Variants in GPAT4 observed in about 807,000 individuals in gnomAD.
GPAT4 encodes 1-AGP acyltransferase 6.
Under a neutral mutation model 58.0 loss-of-function variants are expected in GPAT4, and 17 were observed. The ratio of observed to expected loss-of-function variants is 0.29; its 90% confidence interval spans 0.20 to 0.44. The LOEUF (loss-of-function observed/expected upper bound fraction) is 0.44. Ranked by LOEUF, GPAT4 falls within the 20% of genes least tolerant of loss-of-function variation. The pLI, the probability that GPAT4 is intolerant of heterozygous loss-of-function variation, is 1.00. For synonymous variants in GPAT4, 204 were observed against 210.1 expected (o/e 0.97, Z 0.25); for missense variants, 377 against 574.5 (o/e 0.66, Z 3.51).
intron 2 of GPAT4, among the ~76,000 whole-genome samples, 158 bp downstream of exon 2, chr8:41,599,462 A>G (rs111370923): frequency 2.6e-5 from 4 of 152,336 alleles, no homozygotes; most frequent in Admixed American, 6.5e-5. Flanking sequence ...CTAAACGTCT[A>G]CTTTTGAAAG....
At chr8:41,580,606 G>T (rs1324196743) in intron 1 of GPAT4, among the ~76,000 whole-genome samples, 1 of 152,206 alleles carries the variant, frequency 6.6e-6, no homozygotes, top group Non-Finnish European at 1.5e-5. Context: ...AAGTCCTCAT[G>T]TTAGGGGTCT....
At chr8:41,582,005 T>A (rs867519277) in intron 1 of GPAT4, among the ~76,000 whole-genome samples, 1,191 of 100,722 alleles carry the variant, frequency 0.012, 34 homozygotes, top group African/African-American at 0.044. Flanking sequence ...TTTTTTTTTT[T>A]TTTTTTTTTT....
At chr8:41,589,941 T>C (rs1790942470) in intron 1 of GPAT4, among the ~76,000 whole-genome samples, 1 of 152,194 alleles carries the variant, frequency 6.6e-6, no homozygotes, top group South Asian at 2.1e-4. Context: ...AGAACTTCGG[T>C]AACTCAGGTT....
At chr8:41,620,729 C>G (rs759694828) in intron 12 of GPAT4, among the ~76,000 whole-genome samples, 164 bp from the exon 13 acceptor site, 4 of 151,996 alleles carry the variant, frequency 2.6e-5, no homozygotes, top group African/African-American at 7.3e-5. Context: ...TATTGGGATC[C>G]CGGAGCCCCA....
intron 10 of GPAT4, among the ~76,000 whole-genome samples, chr8:41,616,860 G>A (rs950368249): frequency 6.6e-6 from 1 of 152,154 alleles, no homozygotes; most frequent in African/African-American, 2.4e-5. Context: ...AATCAAACTT[G>A]GATAACCTTA....
intron 5 of GPAT4, 70 bp downstream of exon 5, chr8:41,610,880 C>T: frequency 6.8e-7 from 1 of 1,460,846 alleles, no homozygotes; most frequent in Non-Finnish European, 9.3e-7. Flanking sequence ...ATATCGAAGG[C>T]AAGGACACTT....
chr8:41,621,245 T>G lies in GPAT4; in HGVS notation c.*244T>G. ...GACCCAGGACGAGATGCCTTGTTTCTTTTACAATAAGTCGTTGGAGGAATG... is the reference window on the plus strand; with the variant it reads ...GACCCAGGACGAGATGCCTTGTTTCGTTTACAATAAGTCGTTGGAGGAATG... On this transcript the variant is annotated 3_prime_UTR_variant, in exon 13 of 13. Coordinates refer to ENST00000396987, the MANE Select transcript of GPAT4 (RefSeq NM_178819.4). 1.8e-6 allele frequency: 1 copy of G among 550,256 alleles called. No homozygotes were observed. Among genetic ancestry groups the G allele is most frequent in the Non-Finnish European group, 3.2e-6 (1 of 308,820 alleles). The allele number at this position is 550,256 out of a possible 1,614,324, so 34.1% of individuals were successfully genotyped here. A position where few individuals can be genotyped will look rare whatever the true frequency, so the allele number is the denominator to read the frequency against.
At chr8:41,579,500 A>G (rs1242303975) in intron 1 of GPAT4, among the ~76,000 whole-genome samples, 2 of 152,254 alleles carry the variant, frequency 1.3e-5, no homozygotes, top group African/African-American at 4.8e-5. Flanking sequence ...AGAGTTGAAG[A>G]AAGAGCACAG....
intron 10 of GPAT4, 84 bp downstream of exon 10, chr8:41,615,132 G>A: frequency 2.4e-6 from 3 of 1,256,080 alleles, no homozygotes; most frequent in Non-Finnish European, 3.4e-6. Context: ...GGAAGGAGCT[G>A]GGGTCACCAG....
chr8:41,579,051 A>C (rs1180612447), intron 1 of GPAT4, among the ~76,000 whole-genome samples: 1 of 152,278 alleles, frequency 6.6e-6, no homozygotes, highest in South Asian at 2.1e-4. Flanking sequence ...AACTTTGAGG[A>C]GCTCTCCTTA....
chr8:41,614,982 A>G lies in GPAT4; in HGVS notation c.987A>G (p.Thr329=), dbSNP rs758814798. The G allele has an allele frequency of 7.4e-6, 12 of 1,614,038 alleles. No homozygotes were observed. The highest frequency in any genetic ancestry group is 2.2e-5 in the East Asian group (1 of 44,896). The change falls in exon 10 of 13, where the codon ACA becomes ACG. Residue 329 remains threonine (T), a synonymous_variant. Transcript: ENST00000396987. ...TTTTAGGAACCTGCATCAATAATACATCGGTGATGATGTTCAAAAAGGGAA... is the reference window on the plus strand; with the variant it reads ...TTTTAGGAACCTGCATCAATAATACGTCGGTGATGATGTTCAAAAAGGGAA... The part of the protein sequence containing the change: ...IFPEGTCINN[T]SVMMFKKGSF...
chr8:41,610,011 G>A, intron 4 of GPAT4, 56 bp downstream of exon 4: 2 of 1,543,162 alleles, frequency 1.3e-6, no homozygotes, highest in Non-Finnish European at 8.7e-7. Flanking sequence ...GTGGTGCACA[G>A]CCCACCTGCC....
chr8:41,596,672 G>T (rs1029359266), intron 1 of GPAT4, among the ~76,000 whole-genome samples: 3 of 152,190 alleles, frequency 2.0e-5, no homozygotes, highest in Non-Finnish European at 4.4e-5. Flanking sequence ...TGAGTCCCCC[G>T]CAGGGATGCT....
chr8:41,607,540 CTTTT>C (rs397946899), intron 2 of GPAT4, among the ~76,000 whole-genome samples: 2 of 140,244 alleles, frequency 1.4e-5, no homozygotes, highest in Non-Finnish European at 1.6e-5. Flanking sequence ...GTTTCTCTCT[CTTTT>C]TTTTTTTTTT....
At chr8:41,612,561 G>C (rs1041799743) in intron 7 of GPAT4, among the ~76,000 whole-genome samples, 1 of 152,308 alleles carries the variant, frequency 6.6e-6, no homozygotes, top group East Asian at 1.9e-4. Flanking sequence ...CCCAGGGAGG[G>C]GCAGTTTTAC....
intron 7 of GPAT4, 150 bp downstream of exon 7, chr8:41,612,423 G>C: frequency 1.3e-6 from 1 of 770,448 alleles, no homozygotes; most frequent in Non-Finnish European, 2.1e-6. Flanking sequence ...GTGGGACTGT[G>C]ATAGGAGATA....
In GPAT4 at chr8:41,610,753, C is replaced by T. The variant is rs1211834933; in HGVS notation, c.554C>T (p.Thr185Ile). The T allele has an allele frequency of 1.2e-6, 2 of 1,611,226 alleles. No individual in the cohort carries two copies. Among genetic ancestry groups the T allele is most frequent in the African/African-American group, 1.3e-5 (1 of 74,866 alleles). ...TCTTACAGGATAGCACTGGCTTTCA[C>T]AGGGATTAGCCTTCTGGTGGTGGGC... is the stretch of plus-strand genomic sequence containing the variant. Reference protein sequence around the residue: ...LLPLRIALAFTGISLLVVGTT... With the variant: ...LLPLRIALAFIGISLLVVGTT... Residue 185 changes from threonine (T) to isoleucine (I), a missense_variant, in exon 5 of 13, where the codon ACA becomes ATA. By Grantham distance (89) the Thr-to-Ile change is moderately conservative (BLOSUM62 -1). Coordinates refer to ENST00000396987, the MANE Select transcript of GPAT4 (RefSeq NM_178819.4).
chr8:41,613,313 G>T (rs1359022121), intron 8 of GPAT4, among the ~76,000 whole-genome samples: 1 of 152,022 alleles, frequency 6.6e-6, no homozygotes, highest in South Asian at 2.1e-4. Flanking sequence ...TTGAACCAGG[G>T]TGACAGAGGT....
chr8:41,612,125 T>C, intron 6 of GPAT4, 55 bp from the exon 7 acceptor site: 1 of 1,590,842 alleles, frequency 6.3e-7, no homozygotes, highest in Non-Finnish European at 8.6e-7. Flanking sequence ...GAGAGGTGTG[T>C]TACATGAACT....
Sources: allele counts gnomAD v4.1 joint callset (sites outside exome capture counted in the v4.1 genomes callset), GRCh38; gene constraint gnomAD v4.1.1; transcripts MANE v1.5; gene names NCBI Gene and HGNC (gene_info 2026-07-23, HGNC 2026-07-21).